The following RC3H2 variants were observed in gnomAD, a reference collection of about 807,000 sequenced individuals.
The protein encoded by RC3H2 is roquin-2.
RC3H2 carries 31 observed loss-of-function variants against 133.3 expected under a neutral mutation model. That is an observed-to-expected ratio of 0.23 (90% CI 0.17 to 0.31). The LOEUF is 0.31. Ranked by LOEUF, RC3H2 falls within the 10% of genes least tolerant of loss-of-function variation. RC3H2 has a pLI of 1.00. For synonymous variants in RC3H2, 517 were observed against 502.2 expected (o/e 1.03, Z -0.40); for missense variants, 1,175 against 1,437.2 (o/e 0.82, Z 2.95).
chr9:122,862,447 T>A (rs941538849), intron 10 of RC3H2, among the ~76,000 whole-genome samples: 5 of 152,176 alleles, frequency 3.3e-5, no homozygotes, highest in African/African-American at 1.2e-4. Flanking sequence ...GGCCCTTCCT[T>A]CCTTGCTATC....
chr9:122,851,750 C>T (rs1221492389), intron 18 of RC3H2, among the ~76,000 whole-genome samples: 9 of 152,252 alleles, frequency 5.9e-5, no homozygotes, highest in Non-Finnish European at 1.2e-4. Context: ...CTGCCAGCCT[C>T]GGCCTCCCGA....
Position 122,881,014 on chromosome 9 carries a change from ACT to A in RC3H2, c.760-222_760-221del, listed in dbSNP as rs1484465257. ...ATCCTTGCCTTCAATGATTTCAGCC[ACT>A]AGTAAGAAAGAGAAACTTGTAAGTA... is the stretch of plus-strand genomic sequence containing the variant. On this transcript the variant is annotated intron_variant, in intron 5 of 20. Coordinates refer to ENST00000357244, the MANE Select transcript of RC3H2 (RefSeq NM_001100588.3). 7.2e-5 allele frequency among the ~76,000 whole-genome samples: 11 copies of A among 152,322 alleles called. No homozygotes were observed. The South Asian group carries it at 2.1e-3, about 29-fold the overall frequency.
rs1274760136 is a variant in RC3H2, at chr9:122,905,287, G to A, written c.-245C>T. On this transcript the variant is annotated 5_prime_UTR_variant, in exon 1 of 21. Transcript: ENST00000357244. ...TGGCGGCGGCGAAGGCCGCGACGGG[G>A]CCTCCTCCTCCTCCCTCCACCTCCG... 23 of 985,662 alleles carry A rather than the reference G, an allele frequency of 2.3e-5. No individual in the cohort carries two copies. The highest frequency in any genetic ancestry group is 2.7e-5 in the Non-Finnish European group (22 of 830,122). The allele number at this position is 985,662 out of a possible 1,614,324, so 61.1% of individuals were successfully genotyped here.
At chr9:122,904,301 T>G (rs1316621250) in intron 1 of RC3H2, among the ~76,000 whole-genome samples, 1 of 152,128 alleles carries the variant, frequency 6.6e-6, no homozygotes, top group Non-Finnish European at 1.5e-5. Context: ...ATTACTTGAG[T>G]CAATTTTGGT....
rs1395541413 is a variant in RC3H2 at position 122,905,293 on chromosome 9, T to A, written c.-251A>T. On this transcript the variant is annotated 5_prime_UTR_variant, in exon 1 of 21. Transcript: ENST00000357244. ...CGGCGAAGGCCGCGACGGGGCCTCC[T>A]CCTCCTCCCTCCACCTCCGCCTCCT... 5.1e-6 allele frequency: 5 copies of A among 985,480 alleles called. No individual in the cohort carries two copies. In the East Asian group the frequency reaches 5.7e-4, roughly 112 times the overall value. The allele number at this position is 985,480 out of a possible 1,614,324, so 61.0% of individuals were successfully genotyped here.
At chr9:122,904,222 T>A (rs1330799197) in intron 1 of RC3H2, among the ~76,000 whole-genome samples, 1 of 151,866 alleles carries the variant, frequency 6.6e-6, no homozygotes, top group African/African-American at 2.4e-5. Context: ...AGAGGAGGAA[T>A]TAAAAAGGGA....
intron 18 of RC3H2, among the ~76,000 whole-genome samples, chr9:122,852,637 G>A (rs970507624): frequency 6.7e-6 from 1 of 150,014 alleles, no homozygotes; most frequent in African/African-American, 2.5e-5. Context: ...AGGTGGAGGG[G>A]TCAGCTCCCA....
chr9:122,861,829 T>A (rs1379253312), intron 10 of RC3H2, among the ~76,000 whole-genome samples: 1 of 152,200 alleles, frequency 6.6e-6, no homozygotes, highest in Non-Finnish European at 1.5e-5. Flanking sequence ...TATATTAAAA[T>A]GTAAAAAATA....
intron 4 of RC3H2, among the ~76,000 whole-genome samples, chr9:122,888,672 G>A (rs1411131323): frequency 3.3e-5 from 5 of 152,122 alleles, no homozygotes; most frequent in South Asian, 2.1e-4. Flanking sequence ...CATTTCTTTC[G>A]ACAGCTGCAT....
At chr9:122,899,099 T>G (rs1362097195) in intron 1 of RC3H2, among the ~76,000 whole-genome samples, 13 of 133,960 alleles carry the variant, frequency 9.7e-5, no homozygotes, top group Middle Eastern at 3.2e-3. Flanking sequence ...TGTTTTTTTT[T>G]TTTTTTTTTT....
chr9:122,866,770 A>G (rs1303177364), intron 9 of RC3H2, among the ~76,000 whole-genome samples: 2 of 152,146 alleles, frequency 1.3e-5, no homozygotes, highest in African/African-American at 4.8e-5. Flanking sequence ...TCCACCTCCC[A>G]GCCACCTGCC....
intron 10 of RC3H2, 37 bp downstream of exon 10, chr9:122,865,312 A>G (rs773059378): frequency 3.8e-5 from 58 of 1,538,474 alleles, no homozygotes; most frequent in Non-Finnish European, 4.9e-5. Context: ...TAAAAAGGAA[A>G]AAGAATTTCC....
intron 10 of RC3H2, among the ~76,000 whole-genome samples, chr9:122,860,504 C>T (rs1305283439): frequency 1.3e-5 from 2 of 150,168 alleles, no homozygotes; most frequent in African/African-American, 4.9e-5. Flanking sequence ...GCCTTGACCT[C>T]CTGGGCTTAA....
intron 11 of RC3H2, 120 bp downstream of exon 11, chr9:122,859,797 T>C: frequency 1.2e-6 from 1 of 849,860 alleles, no homozygotes; most frequent in Admixed American, 2.3e-5. Context: ...GAAAAAAACT[T>C]ATGAGTCACA....
At chr9:122,861,698 G>A (rs901370982) in intron 10 of RC3H2, among the ~76,000 whole-genome samples, 1 of 152,094 alleles carries the variant, frequency 6.6e-6, no homozygotes, top group African/African-American at 2.4e-5. Flanking sequence ...CCAGATTAGA[G>A]GGTTTTTTCC....
chr9:122,900,746 T>C (rs1315521865), intron 1 of RC3H2, among the ~76,000 whole-genome samples: 1 of 152,148 alleles, frequency 6.6e-6, no homozygotes, highest in African/African-American at 2.4e-5. Context: ...TGAGATAAAA[T>C]GGACTAAAAG....
At chr9:122,877,848 T>C (rs1417232580) in intron 8 of RC3H2, among the ~76,000 whole-genome samples, 2 of 152,184 alleles carry the variant, frequency 1.3e-5, no homozygotes, top group African/African-American at 2.4e-5. Context: ...GTTAACAGAA[T>C]GCCCAGAAAA....
intron 18 of RC3H2, among the ~76,000 whole-genome samples, chr9:122,852,971 C>T (rs564549725): frequency 1.1e-4 from 16 of 152,284 alleles, no homozygotes; most frequent in Admixed American, 3.9e-4. Flanking sequence ...ATTGAGAAAT[C>T]GGATGGTAGC....
intron 1 of RC3H2, 45 bp from the exon 2 acceptor site, chr9:122,897,621 A>G: frequency 7.5e-7 from 1 of 1,328,256 alleles, no homozygotes; most frequent in Admixed American, 2.7e-5. Context: ...TTCATCATTC[A>G]CCTTTGAAGA....
Sources: allele counts gnomAD v4.1 joint callset (sites outside exome capture counted in the v4.1 genomes callset), GRCh38; gene constraint gnomAD v4.1.1; transcripts MANE v1.5; gene names NCBI Gene and HGNC (gene_info 2026-07-23, HGNC 2026-07-21).